The following IQSEC1 variants were observed in gnomAD, a reference collection of about 807,000 sequenced individuals.
IQSEC1 encodes IQ motif and Sec7 domain ArfGEF 1.
A neutral mutation model predicts 91.0 loss-of-function variants in IQSEC1; 31 were observed. The observed-to-expected ratio is 0.34, with a 90% CI of 0.26 to 0.46. The LOEUF is 0.46. Among genes scored for constraint, IQSEC1 ranks in the 20% least tolerant of loss-of-function variants. IQSEC1 has a pLI of 1.00. For missense variants in IQSEC1, 1,388 were observed against 1,575.6 expected, an observed-to-expected ratio of 0.88 and a Z score of 2.02; for synonymous variants, 699 against 662.6, an observed-to-expected ratio of 1.05 and a Z score of -0.84.
At chr3:13,159,993 G>A (rs1005739455) in intron 2 of IQSEC1, among the ~76,000 whole-genome samples, 10 of 152,078 alleles carry the variant, frequency 6.6e-5, no homozygotes, top group Non-Finnish European at 1.5e-4. Flanking sequence ...TCCTCTTAGT[G>A]GAGTCAAAAG....
intron 1 of IQSEC1, among the ~76,000 whole-genome samples, chr3:12,993,140 C>T (rs1399499524): frequency 1.3e-5 from 2 of 152,178 alleles, no homozygotes; most frequent in African/African-American, 4.8e-5. Flanking sequence ...GTCGCCAAGG[C>T]TGTTCTGGTC....
chr3:13,045,202 G>A (rs1704449873), intron 1 of IQSEC1, among the ~76,000 whole-genome samples: 1 of 152,188 alleles, frequency 6.6e-6, no homozygotes. Context: ...GTGCTTCCAG[G>A]CCCAGAGGCC....
intron 1 of IQSEC1, among the ~76,000 whole-genome samples, chr3:13,249,665 A>G (rs1305345654): frequency 6.6e-6 from 1 of 151,406 alleles, no homozygotes. Flanking sequence ...TAGGCAAACC[A>G]CTCCATCTCT....
chr3:13,175,707 A>C (rs1693714280), intron 1 of IQSEC1, among the ~76,000 whole-genome samples: 1 of 152,262 alleles, frequency 6.6e-6, no homozygotes, highest in Admixed American at 6.5e-5. Context: ...GAGGCTGGGT[A>C]GTCCAAGATG....
chr3:12,968,277 G>A (rs1013664933), intron 1 of IQSEC1, among the ~76,000 whole-genome samples: 6 of 152,266 alleles, frequency 3.9e-5, no homozygotes, highest in East Asian at 1.9e-4. Context: ...GCCCTATCCT[G>A]AGGTTGGTAC....
rs183171134 is a variant in IQSEC1 at position 12,922,317 on chromosome 3, G to A, written c.1731-75C>T. On this transcript the variant is annotated intron_variant, in intron 4 of 13. Transcript: ENST00000613206. This position sits in a 1 kb window ranked among gnomAD's most constrained non-coding sequence, Gnocchi z 5.1. The stretch of plus-strand genomic sequence containing the variant: ...ACGCCCAGCCCACCCCCAGGTGGTG[G>A]TGCCTGAAGCCCTGGGAATGGACCG... 3.6e-4 allele frequency: 521 copies of A among 1,447,116 alleles called. No homozygotes were observed. The highest frequency in any genetic ancestry group is 4.0e-4 in the Non-Finnish European group (439 of 1,087,518). The allele number at this position is 1,447,116 out of a possible 1,614,324, so 89.6% of individuals were successfully genotyped here. A position where few individuals can be genotyped will look rare whatever the true frequency, so the allele number is the denominator to read the frequency against.
At chr3:13,100,205 G>A (rs1386537866) in intron 2 of IQSEC1, among the ~76,000 whole-genome samples, 1 of 147,954 alleles carries the variant, frequency 6.8e-6, no homozygotes, top group Non-Finnish European at 1.5e-5. Context: ...AGGGAGTTGG[G>A]GGGTGTGGGG....
intron 13 of IQSEC1, among the ~76,000 whole-genome samples, chr3:12,902,420 G>A (rs191639239): frequency 2.0e-4 from 31 of 152,016 alleles, no homozygotes; most frequent in African/African-American, 3.6e-4. Flanking sequence ...CGGGGGTGCC[G>A]GAAGCTGGGG....
intron 1 of IQSEC1, among the ~76,000 whole-genome samples, chr3:12,980,476 T>C (rs564885451): frequency 7.2e-5 from 11 of 152,342 alleles, no homozygotes; most frequent in African/African-American, 2.6e-4. Context: ...TTTCCATAAA[T>C]AACTGTAATT....
chr3:13,281,943 C>T (rs575315959), intron 1 of IQSEC1, among the ~76,000 whole-genome samples: 1 of 152,278 alleles, frequency 6.6e-6, no homozygotes, highest in East Asian at 1.9e-4. Flanking sequence ...GATGGGCGCC[C>T]GAAGGTCCAC....
At position 12,899,300 on chromosome 3, in the gene IQSEC1, G is replaced by A. The variant is rs1258448046; in HGVS notation, c.*1683C>T. ...CGCTGTCCACTGGGAACGCGGCCCC[G>A]CGGCCCGCAGAGTCAGGCGTGAGCT... On this transcript the variant is annotated 3_prime_UTR_variant, in exon 14 of 14. Transcript: ENST00000613206. 2.3e-5 allele frequency: 33 copies of A among 1,432,080 alleles called. No individual in the cohort carries two copies. Among genetic ancestry groups the A allele is most frequent in the Non-Finnish European group, 2.7e-5 (28 of 1,036,686 alleles). The allele number at this position is 1,432,080 out of a possible 1,614,324, so 88.7% of individuals were successfully genotyped here.
At chr3:13,028,555 C>T (rs1408116476) in intron 1 of IQSEC1, among the ~76,000 whole-genome samples, 2 of 152,202 alleles carry the variant, frequency 1.3e-5, no homozygotes, top group Admixed American at 6.5e-5. Context: ...GAGCCAGACC[C>T]TAGAACTGGG....
intron 1 of IQSEC1, among the ~76,000 whole-genome samples, chr3:12,997,858 T>G (rs1424783257): frequency 6.6e-6 from 1 of 152,246 alleles, no homozygotes; most frequent in Non-Finnish European, 1.5e-5. Context: ...TATTATCATC[T>G]TATGGGACCA....
At chr3:12,912,670 C>CAAAAAAA (rs561314162) in intron 9 of IQSEC1, among the ~76,000 whole-genome samples, 23 of 53,952 alleles carry the variant, frequency 4.3e-4, no homozygotes, top group East Asian at 8.6e-4. Context: ...GACTCCGTCT[C>CAAAAAAA]AAAAAAAAAA....
intron 1 of IQSEC1, among the ~76,000 whole-genome samples, chr3:13,058,889 C>T (rs1404600679): frequency 2.6e-5 from 4 of 152,180 alleles, no homozygotes; most frequent in African/African-American, 2.4e-5. Context: ...TGGGTGCCCT[C>T]GGCCCACGGG....
intron 1 of IQSEC1, among the ~76,000 whole-genome samples, chr3:13,244,174 A>T (rs1695069853): frequency 6.6e-6 from 1 of 152,238 alleles, no homozygotes; most frequent in Admixed American, 6.5e-5. Flanking sequence ...GATTTAAAAA[A>T]GTTGATAACA....
intron 2 of IQSEC1, among the ~76,000 whole-genome samples, chr3:13,140,922 G>C (rs574902527): frequency 6.6e-6 from 1 of 152,210 alleles, no homozygotes; most frequent in Non-Finnish European, 1.5e-5. Flanking sequence ...CATAGTGTGC[G>C]CCTGTGCCCC....
intron 1 of IQSEC1, among the ~76,000 whole-genome samples, chr3:13,061,169 C>T (rs1381545866): frequency 2.6e-5 from 4 of 152,124 alleles, no homozygotes; most frequent in Admixed American, 6.5e-5. Flanking sequence ...TTCTGGCCCA[C>T]GAGGCTGGGA....
intron 2 of IQSEC1, among the ~76,000 whole-genome samples, chr3:13,159,942 T>C (rs1188787653): frequency 6.6e-6 from 1 of 152,180 alleles, no homozygotes; most frequent in Non-Finnish European, 1.5e-5. Context: ...CTTCCATAAA[T>C]AAATCATTAG....
Sources: allele counts gnomAD v4.1 joint callset (sites outside exome capture counted in the v4.1 genomes callset), GRCh38; gene constraint gnomAD v4.1.1; non-coding constraint Gnocchi (gnomAD v3.1); transcripts MANE v1.5; gene names NCBI Gene and HGNC (gene_info 2026-07-23, HGNC 2026-07-21).